The following FBXL20 variants were observed in gnomAD, a reference collection of about 807,000 sequenced individuals.
The protein encoded by FBXL20 is F-box/LRR-repeat protein 20.
A neutral mutation model predicts 64.0 loss-of-function variants in FBXL20; 11 were observed. The ratio of observed to expected loss-of-function variants is 0.17; its 90% confidence interval spans 0.11 to 0.28. The LOEUF is 0.28. Among genes scored for constraint, FBXL20 ranks in the 10% least tolerant of loss-of-function variants. The pLI is 1.00. For synonymous variants in FBXL20, 184 were observed against 189.0 expected (o/e 0.97, Z 0.22); for missense variants, 303 against 526.2 (o/e 0.58, Z 4.15).
chr17:39,332,890 GTCCT>G (rs2047476257), intron 2 of FBXL20, among the ~76,000 whole-genome samples: 1 of 152,068 alleles, frequency 6.6e-6, no homozygotes, highest in African/African-American at 2.4e-5. Context: ...TACATGATGA[GTCCT>G]GTGGATCCTC....
intron 2 of FBXL20, among the ~76,000 whole-genome samples, chr17:39,321,076 C>T (rs552398461): frequency 1.3e-4 from 20 of 152,258 alleles, no homozygotes; most frequent in Non-Finnish European, 2.2e-4. Flanking sequence ...AACAATTCTG[C>T]TCCAAAATAT....
intron 1 of FBXL20, 64 bp from the exon 2 acceptor site, chr17:39,343,305 ATAGTT>A (rs1407429490): frequency 8.3e-7 from 1 of 1,198,112 alleles, no homozygotes; most frequent in Non-Finnish European, 1.2e-6. Context: ...GTTCAACTCA[ATAGTT>A]TAGAGGCAAT....
At chr17:39,374,540 CA>C (rs796372720) in intron 1 of FBXL20, among the ~76,000 whole-genome samples, 182 of 139,672 alleles carry the variant, frequency 1.3e-3, no homozygotes, top group African/African-American at 3.9e-3. Context: ...GACTCCATCT[CA>C]AAAAAAAAAA....
At chr17:39,285,378 A>G (rs185207523) in intron 7 of FBXL20, 100 bp downstream of exon 7, 1 of 705,486 alleles carries the variant, frequency 1.4e-6, no homozygotes, top group Non-Finnish European at 2.2e-6. Context: ...GAATATATCC[A>G]TAAAACAGAG....
intron 1 of FBXL20, among the ~76,000 whole-genome samples, chr17:39,361,402 T>C (rs1294006563): frequency 6.6e-6 from 1 of 152,190 alleles, no homozygotes; most frequent in Non-Finnish European, 1.5e-5. Flanking sequence ...ACTGCACAGT[T>C]TGCAAAGAAC....
In FBXL20 at chr17:39,257,332, G is replaced by A. The variant is rs1204631900; in HGVS notation, c.*4128C>T. ...TATCTTGAATAACTCAAATAGTCTG[G>A]AAAGCCCAAAATGAAGCATCATAAA... On this transcript the variant is annotated 3_prime_UTR_variant, in exon 15 of 15. Coordinates refer to ENST00000264658, the MANE Select transcript of FBXL20 (RefSeq NM_032875.3). 6.6e-6 allele frequency: 1 copy of A among 152,168 alleles called. No homozygotes were observed. The highest frequency in any genetic ancestry group is 1.5e-5 in the Non-Finnish European group (1 of 68,022). The allele number at this position is 152,168 out of a possible 1,614,324, so 9.4% of individuals were successfully genotyped here. A position where few individuals can be genotyped will look rare whatever the true frequency, so the allele number is the denominator to read the frequency against.
chr17:39,268,968 G>GT (rs2046816042), intron 11 of FBXL20, 97 bp from the exon 12 acceptor site: 1 of 1,088,310 alleles, frequency 9.2e-7, no homozygotes, highest in Admixed American at 2.0e-5. Context: ...TATTAAATAC[G>GT]TTGATAAATT....
intron 1 of FBXL20, among the ~76,000 whole-genome samples, chr17:39,385,021 T>C (rs2048064302): frequency 6.6e-6 from 1 of 152,280 alleles, no homozygotes. Context: ...CAATTAACAA[T>C]GGTTACTGCT....
chr17:39,337,934 C>T (rs1038640955), intron 2 of FBXL20, among the ~76,000 whole-genome samples: 1 of 150,468 alleles, frequency 6.6e-6, no homozygotes, highest in African/African-American at 2.4e-5. Context: ...GCCCCCCGCC[C>T]GGCCAGCTGC....
At chr17:39,314,514 T>C (rs759442457) in intron 2 of FBXL20, among the ~76,000 whole-genome samples, 4 of 151,724 alleles carry the variant, frequency 2.6e-5, no homozygotes, top group Non-Finnish European at 4.4e-5. Flanking sequence ...ACATCCAGCC[T>C]TGTGCCTGTA....
Position 39,255,102 on chromosome 17 carries a change from A to C in FBXL20, c.*6358T>G, listed in dbSNP as rs2046682987. ...AGGTTATGTACTGACCTTCCTAACG[A>C]TCAAAGGCTTCAGAGACACTGAATT... is the stretch of plus-strand genomic sequence containing the variant. On this transcript the variant is annotated 3_prime_UTR_variant, in exon 15 of 15. Coordinates refer to ENST00000264658, the MANE Select transcript of FBXL20 (RefSeq NM_032875.3). The C allele has an allele frequency of 6.6e-6, 1 of 152,154 alleles. No homozygotes were observed. Among genetic ancestry groups the C allele is most frequent in the Admixed American group, 6.5e-5 (1 of 15,268 alleles). 9.4% of individuals were successfully genotyped at this position (152,154 alleles called of 1,614,324 possible).
chr17:39,336,583 T>C (rs187595315), intron 2 of FBXL20, among the ~76,000 whole-genome samples: 64 of 152,264 alleles, frequency 4.2e-4, no homozygotes, highest in African/African-American at 1.5e-3. Context: ...CCCAGCAGTC[T>C]GGGAGGCCAA....
intron 10 of FBXL20, among the ~76,000 whole-genome samples, chr17:39,274,145 G>A (rs2046870869): frequency 6.6e-6 from 1 of 152,184 alleles, no homozygotes; most frequent in South Asian, 2.1e-4. Context: ...TAAATGCTGG[G>A]ATCACAGGTG....
intron 7 of FBXL20, among the ~76,000 whole-genome samples, chr17:39,283,601 T>C (rs2046966057): frequency 6.6e-6 from 1 of 152,130 alleles, no homozygotes; most frequent in South Asian, 2.1e-4. Flanking sequence ...GAAACGGGGA[T>C]ATTCAACTCA....
intron 1 of FBXL20, among the ~76,000 whole-genome samples, chr17:39,398,040 C>CGGGGGGGGGG (rs56842905): frequency 1.8e-5 from 1 of 56,708 alleles, no homozygotes; most frequent in African/African-American, 5.4e-5. Context: ...GGCCGGCGGG[C>CGGGGGGGGGG]GGGGGGGGGG....
chr17:39,368,711 A>G (rs1217109130), intron 1 of FBXL20, among the ~76,000 whole-genome samples: 5 of 152,098 alleles, frequency 3.3e-5, no homozygotes, highest in Non-Finnish European at 7.4e-5. Context: ...GCTAGAGTGC[A>G]GTGGTGCAAT....
At chr17:39,366,882 CT>C (rs34067496) in intron 1 of FBXL20, among the ~76,000 whole-genome samples, 52,715 of 137,542 alleles carry the variant, frequency 0.38, 12,736 homozygotes, top group African/African-American at 0.72. Context: ...TCTATCAGTC[CT>C]TTTTTTTTTT....
chr17:39,270,863 A>T lies in FBXL20; in HGVS notation c.828-7T>A, dbSNP rs765786581. On this transcript the variant is annotated splice_region_variant and splice_polypyrimidine_tract_variant and intron_variant, in intron 10 of 14. Coordinates refer to ENST00000264658, the MANE Select transcript of FBXL20 (RefSeq NM_032875.3). ...TCTTGCCACTTCCAATATTCTGTTA[A>T]AAAAAAAAAAAAAACAGTGAAAGTC... 10 of 317,016 alleles carry T rather than the reference A, an allele frequency of 3.2e-5. No homozygotes were observed. The highest frequency in any genetic ancestry group is 1.2e-4 in the South Asian group (1 of 8,374). The allele number at this position is 317,016 out of a possible 1,614,324, so 19.6% of individuals were successfully genotyped here.
At chr17:39,371,291 T>C (rs1363756783) in intron 1 of FBXL20, among the ~76,000 whole-genome samples, 3 of 152,238 alleles carry the variant, frequency 2.0e-5, no homozygotes, top group Admixed American at 1.3e-4. Context: ...TATGCTTATA[T>C]ACTTTTTTTA....
Sources: gnomAD v4.1 joint callset for allele counts (sites outside exome capture counted in the v4.1 genomes callset) on GRCh38, gnomAD v4.1.1 for gene constraint, MANE v1.5 for transcripts, NCBI Gene and HGNC (gene_info 2026-07-23, HGNC 2026-07-21) for gene names.